KANSL1: variants seen among roughly 807,000 people sequenced by gnomAD.
The protein encoded by KANSL1 is KAT8 regulatory NSL complex subunit 1.
KANSL1 carries 22 observed loss-of-function variants against 103.6 expected under a neutral mutation model. That is an observed-to-expected ratio of 0.21 (90% confidence interval 0.15 to 0.30). The LOEUF is 0.30. Ranked by LOEUF, KANSL1 falls within the 10% of genes least tolerant of loss-of-function variation. The pLI, the probability that KANSL1 is intolerant of heterozygous loss-of-function variation, is 1.00. For missense variants in KANSL1, 1,337 were observed against 1,399.8 expected (o/e 0.96, Z 0.72); for synonymous variants, 600 against 527.6 (o/e 1.14, Z -1.88).
At chr17:46,220,578 A>C (rs1323634436) in intron 1 of KANSL1, among the ~76,000 whole-genome samples, 1 of 152,282 alleles carries the variant, frequency 6.6e-6, no homozygotes. Context: ...GTGTAAAAAG[A>C]TATAATGCAA....
intron 2 of KANSL1, among the ~76,000 whole-genome samples, chr17:46,108,441 A>G (rs1035304378): frequency 6.6e-6 from 1 of 152,190 alleles, no homozygotes; most frequent in Non-Finnish European, 1.5e-5. Context: ...ACCCCTCTCC[A>G]AATACCCCCT....
intron 6 of KANSL1, among the ~76,000 whole-genome samples, chr17:46,055,580 A>T (rs545756784): frequency 3.1e-4 from 47 of 152,344 alleles, no homozygotes; most frequent in African/African-American, 1.1e-3. Context: ...GATATTCTAC[A>T]AATTAATGCA....
At position 46,169,204 on chromosome 17, in the gene KANSL1, T is replaced by C. The variant is rs772054248; in HGVS notation, c.1289+1651A>G. Among the ~76,000 whole-genome samples, 2 of 152,226 alleles carry C rather than the reference T, an allele frequency of 1.3e-5. 1 individual carries two copies. The highest frequency in any genetic ancestry group is 2.9e-5 in the Non-Finnish European group (2 of 68,046). On this transcript the variant is annotated intron_variant, in intron 2 of 14. Coordinates refer to ENST00000432791, the MANE Select transcript of KANSL1 (RefSeq NM_015443.4). Reference sequence around the variant, plus strand: ...AGCAAAGTTAGTGGGGATAATGCCATGAATATTAGCAAGCTGAATTAAGCT... The same window carrying C: ...AGCAAAGTTAGTGGGGATAATGCCACGAATATTAGCAAGCTGAATTAAGCT...
At chr17:46,201,760 A>G (rs190543101) in intron 1 of KANSL1, among the ~76,000 whole-genome samples, 1 of 152,174 alleles carries the variant, frequency 6.6e-6, no homozygotes, top group East Asian at 1.9e-4. Context: ...TGTAATCCCA[A>G]CACTGGAAAG....
intron 6 of KANSL1, among the ~76,000 whole-genome samples, chr17:46,051,950 A>C (rs1242052174): frequency 6.6e-6 from 1 of 152,218 alleles, no homozygotes; most frequent in East Asian, 1.9e-4. Context: ...CAAATCACAC[A>C]GAACTAGAAG....
At chr17:46,087,374 C>T (rs1399819459) in intron 3 of KANSL1, among the ~76,000 whole-genome samples, 1 of 152,130 alleles carries the variant, frequency 6.6e-6, no homozygotes, top group Non-Finnish European at 1.5e-5. Context: ...TAATACTGTA[C>T]CTCACACCAA....
At position 46,143,283 on chromosome 17, in the gene KANSL1, C is replaced by A. The variant is rs547910136; in HGVS notation, c.1289+27572G>T. Among the ~76,000 whole-genome samples the A allele has an allele frequency of 1.4e-3, 212 of 152,032 alleles. 2 individuals are homozygous for A. Among genetic ancestry groups the A allele is most frequent in the Middle Eastern group, 0.01 (3 of 294 alleles). The stretch of plus-strand genomic sequence containing the variant: ...CCGAGGCAGGTGGATCACCTGAAGT[C>A]AGGAGTTCAAGACCAGCCTGGCCAA... On this transcript the variant is annotated intron_variant, in intron 2 of 14. Coordinates refer to ENST00000432791, the MANE Select transcript of KANSL1 (RefSeq NM_015443.4).
intron 2 of KANSL1, among the ~76,000 whole-genome samples, chr17:46,155,289 C>A (rs1007186214): frequency 6.6e-6 from 1 of 151,566 alleles, no homozygotes; most frequent in Admixed American, 6.6e-5. Context: ...TCCCAAGTAG[C>A]TGGGACTACA....
chr17:46,052,674 G>C (rs2077751994), intron 6 of KANSL1, among the ~76,000 whole-genome samples: 1 of 151,254 alleles, frequency 6.6e-6, no homozygotes, highest in Non-Finnish European at 1.5e-5. Flanking sequence ...GCTAGGCGTG[G>C]TGGCTCACAA....
At chr17:46,066,498 C>T in intron 6 of KANSL1, 39 bp downstream of exon 6, 2 of 1,522,938 alleles carry the variant, frequency 1.3e-6, no homozygotes, top group Non-Finnish European at 1.8e-6. Context: ...GAGCATCTGG[C>T]TCACTGCTTG....
intron 2 of KANSL1, chr17:46,169,631 G>A (rs2532275): frequency 0.14 from 21,955 of 152,216 alleles, 2,138 homozygotes; most frequent in Middle Eastern, 0.22. Flanking sequence ...TGAAAGATCT[G>A]CTAGTCAATT....
chr17:46,102,708 T>C (rs1200650324), intron 2 of KANSL1, among the ~76,000 whole-genome samples: 1 of 152,238 alleles, frequency 6.6e-6, no homozygotes, highest in Non-Finnish European at 1.5e-5. Flanking sequence ...TAGCCCACCA[T>C]GAACTCACTC....
chr17:46,059,645 A>G (rs905373959), intron 6 of KANSL1, among the ~76,000 whole-genome samples: 23 of 14,792 alleles, frequency 1.6e-3, no homozygotes, highest in South Asian at 0.01. Flanking sequence ...AAAAAAAAAA[A>G]AAAGAGAGAG....
chr17:46,215,757 A>G (rs2048320351), intron 1 of KANSL1, among the ~76,000 whole-genome samples: 1 of 152,176 alleles, frequency 6.6e-6, no homozygotes, highest in South Asian at 2.1e-4. Flanking sequence ...TGCCCATAAG[A>G]TGGCCAGATG....
chr17:46,137,434 A>G (rs2147330847), intron 2 of KANSL1, among the ~76,000 whole-genome samples: 1 of 152,364 alleles, frequency 6.6e-6, no homozygotes, highest in Non-Finnish European at 1.5e-5. Flanking sequence ...CCTCAAACTT[A>G]GAAAATGATT....
At position 46,032,257 on chromosome 17, in the gene KANSL1, G is replaced by A. The variant is rs1233423577; in HGVS notation, c.2880C>T (p.Gly960=). 6.5e-7 allele frequency: 1 copy of A among 1,544,638 alleles called. No homozygotes were observed. Residue 960 remains glycine, a synonymous_variant, in exon 14 of 15, where the codon GGC becomes GGT. Transcript: ENST00000432791. ...SSDGRTTPQL[G]SANPSTPQPA... ...GCTGGGGGGTGGAGGGGTTGGCACT[G>A]CCCAGCTGGGGGGTTGTCCGGCCGT...
chr17:46,220,996 CTTTT>C (rs56342423), intron 1 of KANSL1, among the ~76,000 whole-genome samples: 1,405 of 138,870 alleles, frequency 0.01, 19 homozygotes, highest in African/African-American at 0.037. Context: ...CCCTAAAGAT[CTTTT>C]TTTTTTTTTT....
intron 1 of KANSL1, among the ~76,000 whole-genome samples, chr17:46,200,365 G>A (rs2047758707): frequency 6.6e-6 from 1 of 152,192 alleles, no homozygotes; most frequent in Admixed American, 6.5e-5. Context: ...AAGTTGTGGA[G>A]GGCCTGACAA....
intron 2 of KANSL1, among the ~76,000 whole-genome samples, chr17:46,138,530 C>G (rs2696602): frequency 9.9e-5 from 15 of 152,092 alleles, no homozygotes; most frequent in Non-Finnish European, 1.8e-4. Context: ...TTGGTATCCA[C>G]GGAAGTTCGT....
Sources: gnomAD v4.1 joint callset for allele counts (sites outside exome capture counted in the v4.1 genomes callset) on GRCh38, gnomAD v4.1.1 for gene constraint, MANE v1.5 for transcripts, NCBI Gene and HGNC (gene_info 2026-07-23, HGNC 2026-07-21) for gene names.